The following HSPE1 variants were observed in gnomAD, a reference collection of about 807,000 sequenced individuals.
HSPE1 encodes 10 kDa heat shock protein, mitochondrial.
In HSPE1, 1 loss-of-function variant was observed where a neutral mutation model predicts 13.2. That is an observed-to-expected ratio of 0.08 (90% confidence interval 0.03 to 0.36). The LOEUF is 0.36. Among genes scored for constraint, HSPE1 ranks in the 10% least tolerant of loss-of-function variants. HSPE1 has a pLI of 0.99. For synonymous variants in HSPE1, 44 were observed against 42.0 expected (o/e 1.05, Z -0.19); for missense variants, 73 against 118.7 (o/e 0.62, Z 1.79).
intron 2 of HSPE1, 107 bp downstream of exon 2, chr2:197,501,345 T>C: frequency 7.8e-7 from 1 of 1,276,798 alleles, no homozygotes; most frequent in Non-Finnish European, 1.1e-6. Context: ...TATGTCGTTT[T>C]CAAGATCATT....
chr2:197,502,038 G>A (rs987372932), intron 2 of HSPE1, among the ~76,000 whole-genome samples: 1 of 152,042 alleles, frequency 6.6e-6, no homozygotes, highest in African/African-American at 2.4e-5. Flanking sequence ...AAAATGAGGG[G>A]GCATTTAAGA....
intron 2 of HSPE1, among the ~76,000 whole-genome samples, chr2:197,502,345 A>G (rs1297440732): frequency 2.0e-5 from 3 of 152,218 alleles, no homozygotes; most frequent in Non-Finnish European, 4.4e-5. Flanking sequence ...AAAAGATTGC[A>G]CACCTCTGTT....
rs374253511 is a variant in HSPE1 at position 197,501,070 on chromosome 2, A to C, written c.4-4A>C. The stretch of plus-strand genomic sequence containing the variant: ...TTTGTTTCAAAACATTTCTCTTCCT[A>C]CAGGCAGGACAAGCGTTTAGAAAGT... On this transcript the variant is annotated splice_polypyrimidine_tract_variant and splice_region_variant and intron_variant, in intron 1 of 3. Transcript: ENST00000233893. 2 of 1,610,394 alleles carry C rather than the reference A, an allele frequency of 1.2e-6. No homozygotes were observed. The highest frequency in any genetic ancestry group is 8.5e-7 in the Non-Finnish European group (1 of 1,178,930).
chr2:197,501,751 G>C (rs1178457536), intron 2 of HSPE1, among the ~76,000 whole-genome samples: 5 of 146,754 alleles, frequency 3.4e-5, no homozygotes, highest in Non-Finnish European at 7.5e-5. Flanking sequence ...ATGGGGGACA[G>C]GGCGAGATTC....
At chr2:197,503,017 T>G (rs776387426) in intron 2 of HSPE1, 22 bp from the exon 3 acceptor site, 8 of 1,414,376 alleles carry the variant, frequency 5.7e-6, no homozygotes, top group Non-Finnish European at 6.9e-6. Context: ...TCTTTGCTAA[T>G]AAACATCCTT....
In HSPE1 at chr2:197,503,286, A is replaced by G. The variant is rs1015603587; in HGVS notation, c.*27A>G. On this transcript the variant is annotated 3_prime_UTR_variant, in exon 4 of 4. Coordinates refer to ENST00000233893, the MANE Select transcript of HSPE1 (RefSeq NM_002157.3). ...ATAAGTCACTATTGAAATGGCATCA[A>G]CATGATGCTGCCCATTCCACTGAAG... The G allele has an allele frequency of 7.0e-7, 1 of 1,434,624 alleles. No homozygotes were observed. The highest frequency in any genetic ancestry group is 1.4e-5 in the African/African-American group (1 of 71,258). 88.9% of individuals were successfully genotyped at this position (1,434,624 alleles called of 1,614,324 possible).
intron 1 of HSPE1, 62 bp downstream of exon 1, chr2:197,500,501 C>T (rs1390514009): frequency 7.1e-6 from 10 of 1,404,426 alleles, no homozygotes; most frequent in East Asian, 2.6e-5. Flanking sequence ...ACGGGGATCC[C>T]TGACGCCCCT....
In HSPE1 at chr2:197,501,104, C is replaced by T; in HGVS notation, c.34C>T (p.Leu12Phe). 2 of 1,613,986 alleles carry T rather than the reference C, an allele frequency of 1.2e-6. No individual in the cohort carries two copies. The highest frequency in any genetic ancestry group is 1.7e-6 in the Non-Finnish European group (2 of 1,179,896). Residue 12 changes from leucine to phenylalanine, a missense_variant, in exon 2 of 4, where the codon CTC becomes TTC. By Grantham distance (22) the Leu-to-Phe change is conservative (BLOSUM62 0). Transcript: ENST00000233893. ...ACAAGCGTTTAGAAAGTTTCTTCCA[C>T]TCTTTGACCGAGTATTGGTTGAAAG... ...AGQAFRKFLP[L>F]FDRVLVERSA...
In HSPE1 at chr2:197,503,256, C is replaced by G; in HGVS notation, c.306C>G (p.Asp102Glu). Reference protein sequence around the residue: ...RDGDILGKYVD With the variant: ...RDGDILGKYVE Reference sequence around the variant, plus strand: ...GTGACATTCTTGGAAAGTACGTAGACTGAAATAAGTCACTATTGAAATGGC... The same window carrying G: ...GTGACATTCTTGGAAAGTACGTAGAGTGAAATAAGTCACTATTGAAATGGC... Residue 102 changes from aspartate to glutamate, a missense_variant, in exon 4 of 4, where the codon GAC becomes GAG. Physicochemically the swap from Asp to Glu is conservative, Grantham distance 45. Transcript: ENST00000233893. 1 of 1,595,994 alleles carries G rather than the reference C, an allele frequency of 6.3e-7. No homozygotes were observed. Among genetic ancestry groups the G allele is most frequent in the South Asian group, 1.1e-5 (1 of 90,750 alleles).
chr2:197,501,742 T>TG (rs1480638689), intron 2 of HSPE1, among the ~76,000 whole-genome samples: 1 of 130,732 alleles, frequency 7.6e-6, no homozygotes, highest in African/African-American at 3.0e-5. Flanking sequence ...CATTCCAGTA[T>TG]GGGGGACAGG....
Position 197,503,269 on chromosome 2 carries a change from C to G in HSPE1, c.*10C>G. 2 of 1,570,916 alleles carry G rather than the reference C, an allele frequency of 1.3e-6. No homozygotes were observed. Among genetic ancestry groups the G allele is most frequent in the Non-Finnish European group, 1.7e-6 (2 of 1,147,310 alleles). ...AAAGTACGTAGACTGAAATAAGTCA[C>G]TATTGAAATGGCATCAACATGATGC... On this transcript the variant is annotated 3_prime_UTR_variant, in exon 4 of 4. Coordinates refer to ENST00000233893, the MANE Select transcript of HSPE1 (RefSeq NM_002157.3).
At chr2:197,501,462 T>A (rs1214730112) in intron 2 of HSPE1, 1 of 502,354 alleles carries the variant, frequency 2.0e-6, no homozygotes, top group Admixed American at 3.9e-5. Context: ...AGTTTCAGAG[T>A]ATTAAAAATT....
intron 2 of HSPE1, 110 bp from the exon 3 acceptor site, chr2:197,502,929 A>G: frequency 4.5e-6 from 3 of 666,984 alleles, no homozygotes; most frequent in Non-Finnish European, 8.0e-6. Flanking sequence ...TATTTTTAAT[A>G]TAATTGGATT....
In HSPE1 at chr2:197,502,695, C is replaced by G. The variant is rs567038174; in HGVS notation, c.169-344C>G. Among the ~76,000 whole-genome samples, 4 of 152,282 alleles carry G rather than the reference C, an allele frequency of 2.6e-5. 1 individual carries two copies. In the South Asian group the frequency reaches 8.3e-4, roughly 32 times the overall value. On this transcript the variant is annotated intron_variant, in intron 2 of 3. Transcript: ENST00000233893. The stretch of plus-strand genomic sequence containing the variant: ...ATTTTCTGGGTGCTGGCTACTGTTG[C>G]AGGTTTATTTCATATAGTTGATAAG...
Position 197,503,326 on chromosome 2 carries a change from G to A in HSPE1, c.*67G>A, listed in dbSNP as rs536045223. ...TTCCACTGAAGTTCTGAAATCTTTCGTCATGTAAATAATTTCCATATTTCT... is the reference window on the plus strand; with the variant it reads ...TTCCACTGAAGTTCTGAAATCTTTCATCATGTAAATAATTTCCATATTTCT... On this transcript the variant is annotated 3_prime_UTR_variant, in exon 4 of 4. Transcript: ENST00000233893. 1,627 of 970,984 alleles carry A rather than the reference G, an allele frequency of 1.7e-3. 9 individuals carry two copies. Among genetic ancestry groups the A allele is most frequent in the Admixed American group, 4.5e-3 (221 of 49,342 alleles). 60.1% of individuals were successfully genotyped at this position (970,984 alleles called of 1,614,324 possible).
intron 2 of HSPE1, among the ~76,000 whole-genome samples, chr2:197,502,536 A>G (rs890379594): frequency 2.0e-5 from 3 of 152,202 alleles, no homozygotes; most frequent in Admixed American, 2.0e-4. Flanking sequence ...GGGAGTGGAC[A>G]CTTAGCTGCA....
chr2:197,502,591 C>A (rs983288593), intron 2 of HSPE1, among the ~76,000 whole-genome samples: 3 of 152,136 alleles, frequency 2.0e-5, no homozygotes, highest in Admixed American at 6.5e-5. Flanking sequence ...AAAACAATCA[C>A]AAGAGTATGT....
chr2:197,501,457 C>T, intron 2 of HSPE1: 1 of 526,774 alleles, frequency 1.9e-6, no homozygotes, highest in Non-Finnish European at 3.2e-6. Context: ...GTGATAGTTT[C>T]AGAGTATTAA....
chr2:197,500,996 A>G, intron 1 of HSPE1, 78 bp from the exon 2 acceptor site: 2 of 1,523,308 alleles, frequency 1.3e-6, no homozygotes, highest in South Asian at 2.5e-5. Flanking sequence ...ACGTGTTGAG[A>G]TGTATAGCAC....
Sources: gnomAD v4.1 joint callset for allele counts (sites outside exome capture counted in the v4.1 genomes callset) on GRCh38, gnomAD v4.1.1 for gene constraint, MANE v1.5 for transcripts, NCBI Gene and HGNC (gene_info 2026-07-23, HGNC 2026-07-21) for gene names.